Variants in PLEKHM3 observed in about 807,000 individuals in gnomAD.
The protein encoded by PLEKHM3 is pleckstrin homology domain-containing family M member 3.
Under a neutral mutation model 81.8 loss-of-function variants are expected in PLEKHM3, and 45 were observed. That is an observed-to-expected ratio of 0.55 (90% CI 0.43 to 0.71). The LOEUF (loss-of-function observed/expected upper bound fraction) is 0.71, where lower values mean the gene tolerates loss of function less well. PLEKHM3 is among the 30% of genes least tolerant of loss of function. The pLI is 0.00. For missense variants in PLEKHM3, 788 were observed against 924.3 expected (o/e 0.85, Z 1.91); for synonymous variants, 352 against 356.4 (o/e 0.99, Z 0.14).
intron 1 of PLEKHM3, among the ~76,000 whole-genome samples, chr2:208,003,819 A>G (rs1323737495): frequency 6.6e-6 from 1 of 152,210 alleles, no homozygotes; most frequent in Non-Finnish European, 1.5e-5. Flanking sequence ...AGACGGAAAT[A>G]TACATAAATA....
rs181318466 is a variant in PLEKHM3, at chr2:207,833,798, C to G, written c.2109-5302G>C. ...GGAAAATGCATCACAGAGGGAGTAC[C>G]CAGGGATACTTACACAGGACTCCCA... On this transcript the variant is annotated intron_variant, in intron 7 of 7. Transcript: ENST00000427836. Among the ~76,000 whole-genome samples the G allele has an allele frequency of 2.0e-5, 3 of 152,272 alleles. No homozygotes were observed. The East Asian group carries it at 5.8e-4, about 29-fold the overall frequency.
chr2:207,854,743 A>G (rs1034908532), intron 7 of PLEKHM3, among the ~76,000 whole-genome samples: 3 of 152,212 alleles, frequency 2.0e-5, no homozygotes, highest in African/African-American at 7.2e-5. Context: ...ACAAGCTTAG[A>G]GAACTGCATC....
At chr2:207,841,480 A>AAATATATATATATATAT (rs2092353214) in intron 7 of PLEKHM3, among the ~76,000 whole-genome samples, 1 of 37,448 alleles carries the variant, frequency 2.7e-5, no homozygotes, top group African/African-American at 1.2e-4. Context: ...AAAAAAAAAA[A>AAATATATATATATATAT]ATATATATAT....
intron 7 of PLEKHM3, among the ~76,000 whole-genome samples, chr2:207,840,865 A>C (rs2092347357): frequency 7.5e-6 from 1 of 132,852 alleles, no homozygotes; most frequent in African/African-American, 2.8e-5. Context: ...CAGTAGTGTG[A>C]TCTCGGCTCA....
At chr2:207,967,564 A>T (rs1449925840) in intron 3 of PLEKHM3, among the ~76,000 whole-genome samples, 1 of 152,254 alleles carries the variant, frequency 6.6e-6, no homozygotes, top group Non-Finnish European at 1.5e-5. Context: ...TGCAAATTTG[A>T]TAAGTATGCC....
intron 7 of PLEKHM3, among the ~76,000 whole-genome samples, chr2:207,841,551 CTTTA>C (rs1251176044): frequency 1.5e-5 from 2 of 129,720 alleles, no homozygotes; most frequent in African/African-American, 5.6e-5. Context: ...ACTCTGTGGG[CTTTA>C]TTTATTTTAC....
chr2:207,966,971 T>C (rs1289507183), intron 3 of PLEKHM3, among the ~76,000 whole-genome samples: 1 of 152,040 alleles, frequency 6.6e-6, no homozygotes, highest in African/African-American at 2.4e-5. Context: ...TTGTAAAAGC[T>C]TTCCTTTTCT....
At chr2:207,958,149 G>T (rs945523796) in intron 3 of PLEKHM3, among the ~76,000 whole-genome samples, 8 of 152,136 alleles carry the variant, frequency 5.3e-5, no homozygotes, top group African/African-American at 1.9e-4. Context: ...CATCTATTAC[G>T]GGAAGGAGGA....
intron 3 of PLEKHM3, among the ~76,000 whole-genome samples, chr2:207,951,827 T>C (rs1690337727): frequency 6.6e-6 from 1 of 152,150 alleles, no homozygotes. Context: ...GCTGCGATCT[T>C]GAGGAAGAGC....
chr2:207,921,377 A>G (rs1037353607), intron 5 of PLEKHM3, among the ~76,000 whole-genome samples: 1 of 152,156 alleles, frequency 6.6e-6, no homozygotes, highest in African/African-American at 2.4e-5. Flanking sequence ...ATTATTAAAT[A>G]TTTTTAATGG....
chr2:207,838,996 G>A (rs2092334894), intron 7 of PLEKHM3, among the ~76,000 whole-genome samples: 1 of 152,198 alleles, frequency 6.6e-6, no homozygotes, highest in Non-Finnish European at 1.5e-5. Context: ...TTAGGCGAAT[G>A]CAGATTCAAA....
intron 2 of PLEKHM3, among the ~76,000 whole-genome samples, chr2:207,982,252 C>T (rs576277928): frequency 7.4e-6 from 1 of 134,594 alleles, no homozygotes; most frequent in Non-Finnish European, 1.6e-5. Context: ...TCGCTCCCCC[C>T]CTCCCTCGCT....
chr2:207,880,856 T>C (rs928866008), intron 6 of PLEKHM3, among the ~76,000 whole-genome samples: 4 of 87,550 alleles, frequency 4.6e-5, no homozygotes, highest in African/African-American at 2.2e-4. Flanking sequence ...AGTCAAATAA[T>C]CATAAGAAGT....
chr2:207,958,469 T>A (rs1396420592), intron 3 of PLEKHM3, among the ~76,000 whole-genome samples: 3 of 152,210 alleles, frequency 2.0e-5, no homozygotes, highest in Non-Finnish European at 2.9e-5. Context: ...TCAGTTCTAT[T>A]TTCAACATGG....
chr2:207,827,557 TG>T lies in PLEKHM3; in HGVS notation c.*761del, dbSNP rs1485581820. On this transcript the variant is annotated 3_prime_UTR_variant, in exon 8 of 8. Transcript: ENST00000427836. The stretch of plus-strand genomic sequence containing the variant: ...GAGCGTCACATCATTAGGTGGGTGA[TG>T]GGATTAGTACCGAAAAACAGACCGA... 1 of 152,178 alleles carries T rather than the reference TG, an allele frequency of 6.6e-6. No homozygotes were observed. The highest frequency in any genetic ancestry group is 2.4e-5 in the African/African-American group (1 of 41,428). 9.4% of individuals were successfully genotyped at this position (152,178 alleles called of 1,614,324 possible). A position where few individuals can be genotyped will look rare whatever the true frequency, so the allele number is the denominator to read the frequency against.
chr2:207,845,875 C>T (rs913307617), intron 7 of PLEKHM3, among the ~76,000 whole-genome samples: 1 of 152,168 alleles, frequency 6.6e-6, no homozygotes, highest in Admixed American at 6.5e-5. Flanking sequence ...GACTGAACTG[C>T]AATTTGGATT....
chr2:207,908,146 G>A (rs1328484119), intron 6 of PLEKHM3, among the ~76,000 whole-genome samples: 1 of 152,094 alleles, frequency 6.6e-6, no homozygotes, highest in African/African-American at 2.4e-5. Context: ...ATGCTGCTCT[G>A]AACATTTGTG....
At chr2:207,871,294 T>C (rs1194951525) in intron 6 of PLEKHM3, among the ~76,000 whole-genome samples, 3 of 152,172 alleles carry the variant, frequency 2.0e-5, no homozygotes, top group African/African-American at 7.2e-5. Context: ...CCCAATCCAT[T>C]ATGGGACTAC....
At chr2:207,885,923 C>T (rs1020790279) in intron 6 of PLEKHM3, among the ~76,000 whole-genome samples, 2 of 152,114 alleles carry the variant, frequency 1.3e-5, no homozygotes, top group Non-Finnish European at 2.9e-5. Flanking sequence ...GTCCATACAC[C>T]GTTCCTGAAA....
Sources: allele counts gnomAD v4.1 joint callset (sites outside exome capture counted in the v4.1 genomes callset), GRCh38; gene constraint gnomAD v4.1.1; transcripts MANE v1.5; gene names NCBI Gene and HGNC (gene_info 2026-07-23, HGNC 2026-07-21).